Variants in GRID2 observed in about 807,000 individuals in gnomAD.
The protein encoded by GRID2 is glutamate receptor ionotropic, delta-2.
Under a neutral mutation model 114.8 loss-of-function variants are expected in GRID2, and 33 were observed. The observed-to-expected ratio is 0.29, with a 90% CI of 0.22 to 0.38. GRID2 has a LOEUF of 0.38. Among genes scored for constraint, GRID2 ranks in the 10% least tolerant of loss-of-function variants. The pLI is 1.00. For missense variants in GRID2, 1,184 were observed against 1,257.7 expected (o/e 0.94, Z 0.89); for synonymous variants, 505 against 449.9 (o/e 1.12, Z -1.55).
chr4:93,029,168 A>C (rs1221648560), intron 2 of GRID2, among the ~76,000 whole-genome samples: 1 of 152,142 alleles, frequency 6.6e-6, no homozygotes, highest in Non-Finnish European at 1.5e-5. Context: ...GTCCCTATTC[A>C]AGGGTTTTAA....
At chr4:93,271,467 G>C (rs1751448351) in intron 8 of GRID2, among the ~76,000 whole-genome samples, 1 of 152,178 alleles carries the variant, frequency 6.6e-6, no homozygotes, top group Non-Finnish European at 1.5e-5. Context: ...AGAAATCATA[G>C]TCATGGCCTG....
At chr4:93,202,583 G>A (rs1424917226) in intron 4 of GRID2, among the ~76,000 whole-genome samples, 7 of 152,150 alleles carry the variant, frequency 4.6e-5, no homozygotes, top group Admixed American at 1.3e-4. Context: ...AAATCCAGAA[G>A]TAATTTAGCC....
intron 2 of GRID2, among the ~76,000 whole-genome samples, chr4:92,803,507 T>C (rs1004891908): frequency 6.6e-6 from 1 of 152,024 alleles, no homozygotes; most frequent in Non-Finnish European, 1.5e-5. Flanking sequence ...TAATAATAGG[T>C]AGCCCATATG....
At chr4:93,414,685 T>TTTTATATATA (rs377743754) in intron 9 of GRID2, among the ~76,000 whole-genome samples, 1 of 140,518 alleles carries the variant, frequency 7.1e-6, no homozygotes, top group Non-Finnish European at 1.5e-5. Context: ...ATCTGACATT[T>TTTTATATATA]TATATATATA....
chr4:93,004,611 C>T (rs551886193), intron 2 of GRID2, among the ~76,000 whole-genome samples: 25 of 152,050 alleles, frequency 1.6e-4, no homozygotes, highest in Admixed American at 1.1e-3. Flanking sequence ...TTTTATATCA[C>T]GACACTCTTA....
chr4:92,935,850 A>G (rs1484493563), intron 2 of GRID2, among the ~76,000 whole-genome samples: 1 of 140,936 alleles, frequency 7.1e-6, no homozygotes, highest in Non-Finnish European at 1.6e-5. Flanking sequence ...ACACATGGAC[A>G]CAGGAAGGGG....
intron 13 of GRID2, among the ~76,000 whole-genome samples, chr4:93,527,294 T>A (rs1321201725): frequency 6.6e-6 from 1 of 152,198 alleles, no homozygotes; most frequent in Non-Finnish European, 1.5e-5. Flanking sequence ...TCTATTATTT[T>A]TCTTATTTTA....
At chr4:92,590,432 A>T in intron 2 of GRID2, 146 bp downstream of exon 2, 1 of 583,916 alleles carries the variant, frequency 1.7e-6, no homozygotes, top group South Asian at 2.7e-5. Flanking sequence ...ACTGTTTTGT[A>T]GATGTTAATC....
intron 13 of GRID2, among the ~76,000 whole-genome samples, chr4:93,587,928 A>G (rs184335071): frequency 2.3e-3 from 353 of 152,266 alleles, no homozygotes; most frequent in Non-Finnish European, 4.2e-3. Flanking sequence ...TCAGATAATC[A>G]TTCTTTCTGC....
chr4:92,595,905 T>C (rs1336004532), intron 2 of GRID2, among the ~76,000 whole-genome samples: 1 of 152,100 alleles, frequency 6.6e-6, no homozygotes, highest in Non-Finnish European at 1.5e-5. Flanking sequence ...ATAGAATGAT[T>C]TGTGTGGCTG....
intron 8 of GRID2, among the ~76,000 whole-genome samples, chr4:93,274,535 A>G (rs1015636020): frequency 1.3e-5 from 2 of 152,118 alleles, no homozygotes; most frequent in African/African-American, 2.4e-5. Flanking sequence ...TAATTCATGA[A>G]TTTCATTTCA....
chr4:93,488,620 C>T (rs1726649185), intron 11 of GRID2, among the ~76,000 whole-genome samples: 1 of 151,770 alleles, frequency 6.6e-6, no homozygotes. Context: ...TAATAGTTCA[C>T]ATATAGCATG....
chr4:93,620,762 G>T (rs1432842125), intron 13 of GRID2, among the ~76,000 whole-genome samples: 1 of 152,106 alleles, frequency 6.6e-6, no homozygotes, highest in Non-Finnish European at 1.5e-5. Context: ...TTAGGCTAGA[G>T]GAATGTGCAT....
intron 2 of GRID2, among the ~76,000 whole-genome samples, chr4:92,818,645 T>A (rs1443335797): frequency 2.0e-5 from 3 of 152,158 alleles, no homozygotes; most frequent in Non-Finnish European, 4.4e-5. Flanking sequence ...ACCTTTCTTA[T>A]ATTAACTTGA....
At chr4:92,321,932 C>T (rs1005986092) in intron 1 of GRID2, among the ~76,000 whole-genome samples, 2 of 152,094 alleles carry the variant, frequency 1.3e-5, no homozygotes, top group Admixed American at 6.6e-5. Flanking sequence ...TTACCTGCTC[C>T]ACCTCATCTG....
intron 9 of GRID2, among the ~76,000 whole-genome samples, chr4:93,411,449 C>T (rs1330025879): frequency 4.1e-5 from 6 of 146,232 alleles, no homozygotes; most frequent in Admixed American, 3.4e-4. Context: ...TTTTTTGAGA[C>T]GGAGTCTTAC....
intron 9 of GRID2, among the ~76,000 whole-genome samples, chr4:93,421,422 T>A (rs1233963477): frequency 6.6e-6 from 1 of 152,162 alleles, no homozygotes; most frequent in African/African-American, 2.4e-5. Flanking sequence ...TTCATTTTGC[T>A]CTAAGATAAC....
intron 13 of GRID2, among the ~76,000 whole-genome samples, chr4:93,594,633 G>C (rs2149624444): frequency 6.6e-6 from 1 of 152,338 alleles, no homozygotes; most frequent in Admixed American, 6.5e-5. Flanking sequence ...CTGGGCAATG[G>C]CGGGCGCCCC....
intron 14 of GRID2, among the ~76,000 whole-genome samples, chr4:93,724,304 G>A (rs1326985125): frequency 6.6e-6 from 1 of 152,080 alleles, no homozygotes. Flanking sequence ...CCTTGCAATG[G>A]GAAGGAAGAT....
Sources: gnomAD v4.1 joint callset for allele counts (sites outside exome capture counted in the v4.1 genomes callset) on GRCh38, gnomAD v4.1.1 for gene constraint, MANE v1.5 for transcripts, NCBI Gene and HGNC (gene_info 2026-07-23, HGNC 2026-07-21) for gene names.